The following ARID1B variants were observed in gnomAD, a reference collection of about 807,000 sequenced individuals.
The protein encoded by ARID1B is AT-rich interaction domain 1B, also known as AT-rich interactive domain-containing protein 1B.
Under a neutral mutation model 212.3 loss-of-function variants are expected in ARID1B, and 30 were observed. That is an observed-to-expected ratio of 0.14 (90% CI 0.11 to 0.19). The LOEUF (loss-of-function observed/expected upper bound fraction) is 0.19, where lower values mean the gene tolerates loss of function less well. Ranked by LOEUF, ARID1B falls within the 10% of genes least tolerant of loss-of-function variation. ARID1B has a pLI of 1.00. For missense variants in ARID1B, 2,891 were observed against 3,204.0 expected (o/e 0.90, Z 2.36); for synonymous variants, 1,402 against 1,301.7 (o/e 1.08, Z -1.66).
At chr6:156,888,605 ATGTACTCATTAC>A (rs919101747) in intron 2 of ARID1B, among the ~76,000 whole-genome samples, 5 of 152,122 alleles carry the variant, frequency 3.3e-5, no homozygotes, top group African/African-American at 1.2e-4. Context: ...TTGTAGTGAG[ATGTACTCATTAC>A]TAAATAAATG....
At chr6:157,199,552 G>A (rs1793959014) in intron 17 of ARID1B, among the ~76,000 whole-genome samples, 1 of 149,882 alleles carries the variant, frequency 6.7e-6, no homozygotes, top group Non-Finnish European at 1.5e-5. Flanking sequence ...GAGAACTCTT[G>A]CAAAAAATAA....
At chr6:156,837,477 A>G (rs945386616) in intron 2 of ARID1B, among the ~76,000 whole-genome samples, 3 of 152,326 alleles carry the variant, frequency 2.0e-5, no homozygotes, top group Admixed American at 1.3e-4. Context: ...GAGGTAGGCT[A>G]GATGGCTTTG....
intron 4 of ARID1B, among the ~76,000 whole-genome samples, chr6:156,967,640 A>G (rs1047058524): frequency 6.6e-6 from 1 of 152,184 alleles, no homozygotes; most frequent in Non-Finnish European, 1.5e-5. Context: ...AAAATTTCCA[A>G]TCTGTTATGG....
chr6:156,869,001 A>G (rs1785917617), intron 2 of ARID1B, among the ~76,000 whole-genome samples: 2 of 152,188 alleles, frequency 1.3e-5, no homozygotes, highest in South Asian at 2.1e-4. Context: ...AGGAAGAGGC[A>G]TTTGATGATT....
chr6:156,791,249 A>G (rs1023505997), intron 1 of ARID1B, among the ~76,000 whole-genome samples: 1 of 152,266 alleles, frequency 6.6e-6, no homozygotes, highest in Non-Finnish European at 1.5e-5. Context: ...AGGAAGGTGT[A>G]CTAGCATGGC....
At chr6:156,945,267 T>TTG (rs1562501836) in intron 4 of ARID1B, among the ~76,000 whole-genome samples, 57 of 126,160 alleles carry the variant, frequency 4.5e-4, no homozygotes, top group African/African-American at 1.8e-3. Flanking sequence ...TTTTTTTTTT[T>TTG]TGTGAGTGTT....
intron 5 of ARID1B, among the ~76,000 whole-genome samples, chr6:157,099,015 G>A (rs1785867980): frequency 6.6e-6 from 1 of 152,140 alleles, no homozygotes; most frequent in East Asian, 1.9e-4. Context: ...CCAGGCTGGG[G>A]CGCAGTGGCA....
chr6:157,050,417 G>A (rs1166087422), intron 4 of ARID1B, among the ~76,000 whole-genome samples: 1 of 152,102 alleles, frequency 6.6e-6, no homozygotes, highest in African/African-American at 2.4e-5. Flanking sequence ...GGTGGTGCGT[G>A]ACTGTAATCG....
chr6:157,025,570 G>T (rs1470733006), intron 4 of ARID1B, among the ~76,000 whole-genome samples: 10 of 139,648 alleles, frequency 7.2e-5, no homozygotes, highest in African/African-American at 2.9e-4. Flanking sequence ...TACAGTGGGT[G>T]GCCTCTTGAG....
intron 4 of ARID1B, chr6:156,976,445 A>G: frequency 6.0e-6 from 1 of 167,452 alleles, no homozygotes; most frequent in Non-Finnish European, 1.3e-5. Context: ...GGGCCGGGGG[A>G]CTTTTGCAAG....
chr6:156,950,021 T>C (rs1793457774), intron 4 of ARID1B, among the ~76,000 whole-genome samples: 1 of 152,238 alleles, frequency 6.6e-6, no homozygotes, highest in Non-Finnish European at 1.5e-5. Flanking sequence ...GTTTGGACAA[T>C]TAAAATATGT....
At chr6:157,123,243 C>CCG (rs1787888310) in intron 6 of ARID1B, among the ~76,000 whole-genome samples, 3 of 117,442 alleles carry the variant, frequency 2.6e-5, no homozygotes, top group Non-Finnish European at 3.5e-5. Flanking sequence ...CCCCCGCCCC[C>CCG]CCCCCACACA....
intron 2 of ARID1B, among the ~76,000 whole-genome samples, chr6:156,841,875 A>G (rs573047412): frequency 5.9e-5 from 9 of 152,186 alleles, no homozygotes; most frequent in Non-Finnish European, 1.5e-5. Context: ...CAAGCATTTC[A>G]GTTCCTTAGC....
intron 2 of ARID1B, among the ~76,000 whole-genome samples, chr6:156,896,457 TC>T (rs1485891761): frequency 6.7e-6 from 1 of 150,052 alleles, no homozygotes; most frequent in East Asian, 2.0e-4. Flanking sequence ...GCTCCTGTAA[TC>T]CCAGCTACTC....
At chr6:156,850,822 A>G (rs369574432) in intron 2 of ARID1B, among the ~76,000 whole-genome samples, 25 of 152,314 alleles carry the variant, frequency 1.6e-4, no homozygotes, top group African/African-American at 5.1e-4. Context: ...TAAAAAGGAA[A>G]ATGGCTTAAA....
At chr6:156,952,598 A>G (rs1793667102) in intron 4 of ARID1B, among the ~76,000 whole-genome samples, 1 of 152,136 alleles carries the variant, frequency 6.6e-6, no homozygotes. Context: ...GCCGGTGAGC[A>G]GTGGGGGCAG....
intron 2 of ARID1B, among the ~76,000 whole-genome samples, chr6:156,860,744 TTAA>T (rs1481496109): frequency 6.6e-6 from 1 of 152,228 alleles, no homozygotes; most frequent in African/African-American, 2.4e-5. Context: ...CATTAAGATG[TTAA>T]TAATAGATTT....
intron 7 of ARID1B, among the ~76,000 whole-genome samples, chr6:157,144,226 AGCATTTCC>A (rs1789566129): frequency 6.6e-6 from 1 of 152,384 alleles, no homozygotes; most frequent in South Asian, 2.1e-4. Flanking sequence ...TTGGAGTGCC[AGCATTTCC>A]GCATTCCAGC....
chr6:156,946,203 G>GAAA (rs58722867), intron 4 of ARID1B, among the ~76,000 whole-genome samples: 1,728 of 127,952 alleles, frequency 0.014, 29 homozygotes, highest in African/African-American at 0.044. Context: ...CTAAAAATAC[G>GAAA]AAAAAAAAAA....
Sources: gnomAD v4.1 joint callset for allele counts (sites outside exome capture counted in the v4.1 genomes callset) on GRCh38, gnomAD v4.1.1 for gene constraint, MANE v1.5 for transcripts, NCBI Gene and HGNC (gene_info 2026-07-23, HGNC 2026-07-21) for gene names.